ELAPOR1: variants seen among roughly 807,000 people sequenced by gnomAD.
The protein encoded by ELAPOR1 is endosome-lysosome associated apoptosis and autophagy regulator 1.
In ELAPOR1, 77 loss-of-function variants were observed where a neutral mutation model predicts 119.7. The observed-to-expected ratio is 0.64, with a 90% confidence interval of 0.54 to 0.78. The LOEUF is 0.78. Ranked by LOEUF, ELAPOR1 falls within the 30% of genes least tolerant of loss-of-function variation. ELAPOR1 has a pLI of 0.00. For synonymous variants in ELAPOR1, 481 were observed against 487.2 expected (o/e 0.99, Z 0.17); for missense variants, 1,115 against 1,270.4 (o/e 0.88, Z 1.86).
At chr1:109,164,400 C>G in intron 2 of ELAPOR1, 99 bp from the exon 3 acceptor site, 1 of 1,015,974 alleles carries the variant, frequency 9.8e-7, no homozygotes, top group Non-Finnish European at 1.5e-6. Context: ...AACTCCTAGA[C>G]CCCAACCCAG....
Position 109,164,483 on chromosome 1 carries a change from C to A in ELAPOR1, c.275-16C>A, listed in dbSNP as rs777633708. Reference sequence around the variant, plus strand: ...GTGACCTCACTGCCCCACCTTGTCTCTGCCCTGTTTTCCAGCCTTCTCCTG... The same window carrying A: ...GTGACCTCACTGCCCCACCTTGTCTATGCCCTGTTTTCCAGCCTTCTCCTG... On this transcript the variant is annotated splice_polypyrimidine_tract_variant and intron_variant, in intron 2 of 21. Transcript: ENST00000369939. The A allele has an allele frequency of 6.3e-7, 1 of 1,599,104 alleles. No homozygotes were observed. The highest frequency in any genetic ancestry group is 1.7e-5 in the Admixed American group (1 of 59,370).
chr1:109,154,543 C>T (rs866849319), intron 1 of ELAPOR1, among the ~76,000 whole-genome samples: 1 of 152,172 alleles, frequency 6.6e-6, no homozygotes, highest in Non-Finnish European at 1.5e-5. Flanking sequence ...CCCTGAGGAC[C>T]TTCGCAGCCT....
intron 1 of ELAPOR1, among the ~76,000 whole-genome samples, chr1:109,118,620 T>C (rs1203896925): frequency 6.6e-6 from 1 of 152,062 alleles, no homozygotes; most frequent in African/African-American, 2.4e-5. Context: ...ATGCTGACGG[T>C]GGAGGTTAGA....
intron 3 of ELAPOR1, among the ~76,000 whole-genome samples, chr1:109,165,840 G>A (rs1383198061): frequency 6.6e-6 from 1 of 150,930 alleles, no homozygotes; most frequent in Non-Finnish European, 1.5e-5. Context: ...CAGCTCCCAG[G>A]TTCAAGTGTT....
intron 15 of ELAPOR1, among the ~76,000 whole-genome samples, chr1:109,197,221 A>C (rs1334541229): frequency 1.3e-5 from 2 of 152,118 alleles, no homozygotes; most frequent in African/African-American, 4.8e-5. Context: ...CAGGAGTTCA[A>C]GGCTTTAGTG....
At chr1:109,181,059 A>G (rs1652664131) in intron 7 of ELAPOR1, among the ~76,000 whole-genome samples, 1 of 152,220 alleles carries the variant, frequency 6.6e-6, no homozygotes, top group African/African-American at 2.4e-5. Context: ...GATCTCATTT[A>G]TTACCTATAG....
Position 109,191,443 on chromosome 1 carries a change from C to A in ELAPOR1, c.1517C>A (p.Ser506Tyr). 6.2e-7 allele frequency: 1 copy of A among 1,614,058 alleles called. No homozygotes were observed. The highest frequency in any genetic ancestry group is 8.5e-7 in the Non-Finnish European group (1 of 1,179,880). Residue 506 changes from serine to tyrosine, a missense_variant, in exon 12 of 22, where the codon TCT becomes TAT. By Grantham distance (144) the Ser-to-Tyr change is moderately radical. Transcript: ENST00000369939. The part of the protein sequence containing the change: ...RITFVFETLC[S>Y]VNCELYFMVG... ...ACATTTGTCTTTGAGACCCTCTGTT[C>A]TGTGAACTGTGAGCTCTACTTCATG...
chr1:109,205,460 A>C lies in ELAPOR1; in HGVS notation c.*2448A>C, dbSNP rs964931067. The C allele has an allele frequency of 1.3e-5, 2 of 152,322 alleles. No individual in the cohort carries two copies. The highest frequency in any genetic ancestry group is 4.8e-5 in the African/African-American group (2 of 41,576). 9.4% of individuals were successfully genotyped at this position (152,322 alleles called of 1,614,324 possible). A position where few individuals can be genotyped will look rare whatever the true frequency, so the allele number is the denominator to read the frequency against. The stretch of plus-strand genomic sequence containing the variant: ...CGGCAGGGAGTCCCTTTGGTTTAAT[A>C]AATCCAGTTTTTCTTTGGGTATCCA... On this transcript the variant is annotated 3_prime_UTR_variant, in exon 22 of 22. Coordinates refer to ENST00000369939, the MANE Select transcript of ELAPOR1 (RefSeq NM_020775.5).
At chr1:109,115,451 A>G (rs1484407555) in intron 1 of ELAPOR1, among the ~76,000 whole-genome samples, 1 of 152,176 alleles carries the variant, frequency 6.6e-6, no homozygotes, top group African/African-American at 2.4e-5. Context: ...TAAAAAATAT[A>G]TGTTTTAAAA....
intron 1 of ELAPOR1, among the ~76,000 whole-genome samples, chr1:109,159,232 T>G (rs894005099): frequency 2.0e-5 from 3 of 152,032 alleles, no homozygotes; most frequent in Non-Finnish European, 4.4e-5. Context: ...CAAAGTGTAG[T>G]TCAGATTTGA....
chr1:109,161,088 T>C (rs1651218166), intron 1 of ELAPOR1, among the ~76,000 whole-genome samples: 1 of 152,132 alleles, frequency 6.6e-6, no homozygotes. Context: ...GAATTCATAG[T>C]CTTTCTGAGT....
At chr1:109,141,417 A>G (rs1367345624) in intron 1 of ELAPOR1, among the ~76,000 whole-genome samples, 2 of 150,722 alleles carry the variant, frequency 1.3e-5, no homozygotes, top group African/African-American at 2.4e-5. Flanking sequence ...GCCTGCCACC[A>G]CGCCCGGCTA....
At chr1:109,157,595 C>T (rs939653190) in intron 1 of ELAPOR1, among the ~76,000 whole-genome samples, 1 of 152,132 alleles carries the variant, frequency 6.6e-6, no homozygotes, top group African/African-American at 2.4e-5. Flanking sequence ...CAGCCCAGCC[C>T]CTCTATGATG....
At chr1:109,142,330 T>C (rs2101001209) in intron 1 of ELAPOR1, among the ~76,000 whole-genome samples, 1 of 152,314 alleles carries the variant, frequency 6.6e-6, no homozygotes, top group Admixed American at 6.5e-5. Flanking sequence ...AAGAAAGCTA[T>C]GAAGTTAGGA....
rs1226863659 is a variant in ELAPOR1, at chr1:109,200,280, A to T, written c.2807+43A>T. ...GGAGTGTGGGGATGGACAGGGTTGG[A>T]TTATTGATCAGGGAGAATATCTGAA... On this transcript the variant is annotated intron_variant, in intron 20 of 21. Transcript: ENST00000369939. The T allele has an allele frequency of 5.6e-6, 9 of 1,593,210 alleles. No homozygotes were observed. In the South Asian group the frequency reaches 7.7e-5, roughly 14 times the overall value.
chr1:109,126,710 A>T (rs765462645), intron 1 of ELAPOR1, among the ~76,000 whole-genome samples: 1 of 152,156 alleles, frequency 6.6e-6, no homozygotes, highest in Non-Finnish European at 1.5e-5. Flanking sequence ...ACCTCAAGTG[A>T]TCCGCCTGCA....
At chr1:109,158,834 T>C (rs1651057286) in intron 1 of ELAPOR1, among the ~76,000 whole-genome samples, 1 of 151,826 alleles carries the variant, frequency 6.6e-6, no homozygotes, top group Non-Finnish European at 1.5e-5. Context: ...GAACGCTGAA[T>C]ATAATTGAGG....
chr1:109,202,661 G>A (rs960946642), intron 21 of ELAPOR1, among the ~76,000 whole-genome samples: 11 of 151,942 alleles, frequency 7.2e-5, no homozygotes, highest in Non-Finnish European at 1.6e-4. Flanking sequence ...GGCTGGTCTC[G>A]AACTCCTAAC....
rs1258109929 is a variant in ELAPOR1 at position 109,200,875 on chromosome 1, G to A, written c.2948G>A (p.Gly983Glu). The A allele has an allele frequency of 3.3e-5, 53 of 1,614,034 alleles. No homozygotes were observed. The highest frequency in any genetic ancestry group is 4.3e-5 in the Non-Finnish European group (51 of 1,180,020). Residue 983 changes from glycine (G) to glutamate (E), a missense_variant, in exon 21 of 22, where the codon GGG becomes GAG. Physicochemically the swap from Gly to Glu is moderately conservative, Grantham distance 98. Transcript: ENST00000369939. ...TTTACCAGCAAGAAGTCACTCTTTG[G>A]GAAGATCAAATCATTTACCTCCAAG... ...LIFTSKKSLF[G>E]KIKSFTSKRT...
Sources: allele counts gnomAD v4.1 joint callset (sites outside exome capture counted in the v4.1 genomes callset), GRCh38; gene constraint gnomAD v4.1.1; transcripts MANE v1.5; gene names NCBI Gene and HGNC (gene_info 2026-07-23, HGNC 2026-07-21).